MUSK: variants seen among roughly 807,000 people sequenced by gnomAD.
The protein encoded by MUSK is muscle associated receptor tyrosine kinase, also known as muscle, skeletal receptor tyrosine-protein kinase.
A neutral mutation model predicts 88.7 loss-of-function variants in MUSK; 55 were observed. That is an observed-to-expected ratio of 0.62 (90% CI 0.50 to 0.78). The LOEUF (loss-of-function observed/expected upper bound fraction) is 0.78, where lower values mean the gene tolerates loss of function less well. Among genes scored for constraint, MUSK ranks in the 30% least tolerant of loss-of-function variants. The pLI, the probability that MUSK is intolerant of heterozygous loss-of-function variation, is 0.00. For synonymous variants in MUSK, 387 were observed against 391.9 expected, an observed-to-expected ratio of 0.99 and a Z score of 0.15; for missense variants, 1,015 against 1,074.3, an observed-to-expected ratio of 0.94 and a Z score of 0.77.
intron 2 of MUSK, 86 bp downstream of exon 2, chr9:110,682,886 G>A (rs192353081): frequency 1.1e-6 from 1 of 948,470 alleles, no homozygotes; most frequent in African/African-American, 1.7e-5. Context: ...AAGTAGATGA[G>A]ATGTTTTGAT....
Position 110,695,622 on chromosome 9 carries a change from A to G in MUSK, c.486+92A>G, listed in dbSNP as rs2076421815. 4.9e-6 allele frequency: 5 copies of G among 1,016,376 alleles called. No homozygotes were observed. The Admixed American group carries it at 1.3e-4, about 27-fold the overall frequency. The allele number at this position is 1,016,376 out of a possible 1,614,324, so 63.0% of individuals were successfully genotyped here. A position where few individuals can be genotyped will look rare whatever the true frequency, so the allele number is the denominator to read the frequency against. On this transcript the variant is annotated intron_variant, in intron 4 of 14. Transcript: ENST00000374448. ...CTCAGTTACACACTTACAAACTTCT[A>G]GTATAAAGTAGTTTCCATGTACATT...
At chr9:110,730,003 T>A (rs1044678797) in intron 5 of MUSK, among the ~76,000 whole-genome samples, 2 of 152,086 alleles carry the variant, frequency 1.3e-5, no homozygotes, top group East Asian at 3.9e-4. Flanking sequence ...TGATTACATA[T>A]CTGAAAGTGC....
At chr9:110,732,023 T>C (rs1462754904) in intron 5 of MUSK, among the ~76,000 whole-genome samples, 1 of 152,026 alleles carries the variant, frequency 6.6e-6, no homozygotes, top group Non-Finnish European at 1.5e-5. Context: ...ATAATCGAAA[T>C]TACATTATTC....
chr9:110,771,436 C>T (rs540195864), intron 9 of MUSK, among the ~76,000 whole-genome samples: 2 of 152,044 alleles, frequency 1.3e-5, no homozygotes, highest in Non-Finnish European at 2.9e-5. Flanking sequence ...CTAAAGGCAT[C>T]GTCGTTCTGA....
chr9:110,799,611 A>C (rs1351062039), intron 14 of MUSK, among the ~76,000 whole-genome samples: 1 of 152,252 alleles, frequency 6.6e-6, no homozygotes, highest in East Asian at 1.9e-4. Context: ...GCATCCATTC[A>C]TAAATTAACT....
chr9:110,781,890 A>G (rs1157209191), intron 11 of MUSK, among the ~76,000 whole-genome samples: 2 of 152,196 alleles, frequency 1.3e-5, no homozygotes, highest in Admixed American at 1.3e-4. Flanking sequence ...TCAGATCATC[A>G]TAACCTTCAA....
intron 3 of MUSK, among the ~76,000 whole-genome samples, chr9:110,694,407 C>CA (rs1206302969): frequency 0.018 from 1,923 of 105,384 alleles, 58 homozygotes; most frequent in African/African-American, 0.067. Context: ...AAAAAAAAAA[C>CA]AAAAAAACAA....
At chr9:110,681,408 A>C (rs2131650405) in intron 1 of MUSK, among the ~76,000 whole-genome samples, 1 of 151,580 alleles carries the variant, frequency 6.6e-6, no homozygotes, top group Middle Eastern at 3.4e-3. Context: ...CTGGGAATTA[A>C]ATGATGTCTA....
chr9:110,770,801 T>C (rs994383563), intron 9 of MUSK, among the ~76,000 whole-genome samples: 7 of 151,818 alleles, frequency 4.6e-5, no homozygotes, highest in Non-Finnish European at 1.0e-4. Flanking sequence ...ATTGCTGTTG[T>C]TGCAAGAGTA....
At position 110,785,668 on chromosome 9, in the gene MUSK, A is replaced by C; in HGVS notation, c.1728A>C (p.Glu576Asp). The C allele has an allele frequency of 6.2e-7, 1 of 1,612,654 alleles. No homozygotes were observed. The change falls in exon 13 of 15, where the codon GAA (glutamate) becomes GAC (aspartate). Residue 576 changes from glutamate to aspartate, a missense_variant. Transcript: ENST00000374448. ...TGGAGTATCCAAGGAATAACATTGAATATGTGAGAGACATCGGAGAGGGAG... is the reference window on the plus strand; with the variant it reads ...TGGAGTATCCAAGGAATAACATTGACTATGTGAGAGACATCGGAGAGGGAG... ...LSLEYPRNNI[E>D]YVRDIGEGAF...
Position 110,668,821 on chromosome 9 carries a change from A to G in MUSK, c.-84A>G, listed in dbSNP as rs2075921023. On this transcript the variant is annotated 5_prime_UTR_variant, in exon 1 of 15. Transcript: ENST00000374448. The stretch of plus-strand genomic sequence containing the variant: ...TTAGCAGACAACCCTTTTGCAACAA[A>G]GTATGCTTTAAAATGTAAACTGTGG... 2 of 1,065,890 alleles carry G rather than the reference A, an allele frequency of 1.9e-6. No homozygotes were observed. The highest frequency in any genetic ancestry group is 1.8e-5 in the Admixed American group (1 of 56,806). The allele number at this position is 1,065,890 out of a possible 1,614,324, so 66.0% of individuals were successfully genotyped here.
intron 7 of MUSK, chr9:110,761,974 T>C: frequency 4.1e-6 from 4 of 970,396 alleles, no homozygotes; most frequent in Non-Finnish European, 4.9e-6. Context: ...TTGACTCAGT[T>C]TGAAAAGAAC....
chr9:110,713,675 A>C (rs1380789002), intron 5 of MUSK, among the ~76,000 whole-genome samples: 1 of 152,222 alleles, frequency 6.6e-6, no homozygotes, highest in Non-Finnish European at 1.5e-5. Context: ...AAAAGGTTAC[A>C]GAAATGTTCC....
intron 5 of MUSK, among the ~76,000 whole-genome samples, chr9:110,725,881 G>C (rs2076877239): frequency 1.3e-5 from 2 of 151,970 alleles, no homozygotes. Context: ...AAAATGATAA[G>C]TGGTAAAACA....
chr9:110,685,256 C>T (rs971242742), intron 2 of MUSK, among the ~76,000 whole-genome samples: 1 of 151,952 alleles, frequency 6.6e-6, no homozygotes, highest in African/African-American at 2.4e-5. Context: ...TATGATGTAT[C>T]ACATTGATTG....
At chr9:110,689,653 CATATA>C (rs2076266420) in intron 3 of MUSK, among the ~76,000 whole-genome samples, 1 of 13,666 alleles carries the variant, frequency 7.3e-5, no homozygotes, top group Non-Finnish European at 1.4e-4. Flanking sequence ...AGTAATATAC[CATATA>C]ATATACATAG....
chr9:110,717,815 T>C (rs2076764018), intron 5 of MUSK, among the ~76,000 whole-genome samples: 2 of 152,112 alleles, frequency 1.3e-5, no homozygotes, highest in African/African-American at 4.8e-5. Context: ...TATAATTCTT[T>C]GGTAGGTAAC....
chr9:110,734,059 G>A (rs966503849), intron 5 of MUSK, among the ~76,000 whole-genome samples, 192 bp from the exon 6 acceptor site: 4 of 152,022 alleles, frequency 2.6e-5, no homozygotes, highest in Admixed American at 1.3e-4. Context: ...GTCCTTGAGT[G>A]GTGAGAAATA....
chr9:110,687,730 G>A (rs926530699), intron 3 of MUSK, among the ~76,000 whole-genome samples: 1 of 152,000 alleles, frequency 6.6e-6, no homozygotes, highest in African/African-American at 2.4e-5. Flanking sequence ...ACAACCCTGA[G>A]GCCAATTAAT....
Sources: allele counts gnomAD v4.1 joint callset (sites outside exome capture counted in the v4.1 genomes callset), GRCh38; gene constraint gnomAD v4.1.1; transcripts MANE v1.5; gene names NCBI Gene and HGNC (gene_info 2026-07-23, HGNC 2026-07-21).